Variants in SLC12A1 observed in about 807,000 individuals in gnomAD.
SLC12A1 encodes the protein solute carrier family 12 member 1, also known as Na-K-2Cl cotransporter.
A neutral mutation model predicts 130.4 loss-of-function variants in SLC12A1; 89 were observed. That is an observed-to-expected ratio of 0.68 (90% CI 0.58 to 0.81). The LOEUF (loss-of-function observed/expected upper bound fraction) is 0.81. SLC12A1 is among the 40% of genes least tolerant of loss of function. SLC12A1 has a pLI of 0.00. For synonymous variants in SLC12A1, 499 were observed against 460.0 expected (o/e 1.08, Z -1.09); for missense variants, 1,310 against 1,336.4 (o/e 0.98, Z 0.31).
At chr15:48,237,253 A>T in intron 9 of SLC12A1, 1 of 517,680 alleles carries the variant, frequency 1.9e-6, no homozygotes, top group Non-Finnish European at 3.4e-6. Flanking sequence ...GGATGTAAGA[A>T]GGCACCAAGA....
intron 19 of SLC12A1, among the ~76,000 whole-genome samples, chr15:48,270,687 A>T (rs945828534): frequency 5.3e-5 from 6 of 112,678 alleles, no homozygotes; most frequent in African/African-American, 2.3e-4. Flanking sequence ...TATATTATTT[A>T]TATATATACA....
At chr15:48,241,836 T>C (rs1361594175) in intron 10 of SLC12A1, among the ~76,000 whole-genome samples, 1 of 152,220 alleles carries the variant, frequency 6.6e-6, no homozygotes, top group African/African-American at 2.4e-5. Flanking sequence ...GTTGTCATTC[T>C]ACCTGAACAC....
intron 6 of SLC12A1, among the ~76,000 whole-genome samples, chr15:48,229,932 CTT>C (rs2041349709): frequency 2.0e-5 from 3 of 152,108 alleles, no homozygotes; most frequent in African/African-American, 7.2e-5. Flanking sequence ...AATAAATGAG[CTT>C]ACAGTTCACA....
At position 48,299,252 on chromosome 15, in the gene SLC12A1, G is replaced by GA; in HGVS notation, c.3075dup (p.Leu1026ThrfsTer16). 2 of 1,603,204 alleles carry GA rather than the reference G, an allele frequency of 1.2e-6. No individual in the cohort carries two copies. Among genetic ancestry groups the GA allele is most frequent in the Non-Finnish European group, 1.7e-6 (2 of 1,176,678 alleles). ...AACTCCGTGGAAAATTACAGATGCAGAACTGGAAGCAGTCAAGGAAAAGGT... is the reference window on the plus strand; with the variant it reads ...AACTCCGTGGAAAATTACAGATGCAGAAACTGGAAGCAGTCAAGGAAAAGGT... On this transcript the variant is annotated frameshift_variant, in exon 25 of 27. Transcript: ENST00000380993. LOFTEE classifies it high-confidence loss of function.
chr15:48,266,770 T>C (rs947898408), intron 17 of SLC12A1, among the ~76,000 whole-genome samples: 3 of 152,154 alleles, frequency 2.0e-5, no homozygotes, highest in Non-Finnish European at 4.4e-5. Flanking sequence ...AATTACATCA[T>C]GAGAAGAAAA....
intron 24 of SLC12A1, among the ~76,000 whole-genome samples, chr15:48,295,676 C>T (rs1200356415): frequency 2.0e-5 from 3 of 151,926 alleles, no homozygotes; most frequent in African/African-American, 4.8e-5. Flanking sequence ...TCTGTTGTTT[C>T]AAGGTATTAA....
chr15:48,229,226 C>G lies in SLC12A1; in HGVS notation c.762C>G (p.Pro254=). The change falls in exon 6 of 27, where the codon CCC becomes CCG. Residue 254 remains proline (P), a synonymous_variant. Coordinates refer to ENST00000380993, the MANE Select transcript of SLC12A1 (RefSeq NM_000338.3). ...ATCTTATTTCCAGAAGTTTAGGGCCCGAGTTCGGTGGGTCAATAGGCCTGA... is the reference window on the plus strand; with the variant it reads ...ATCTTATTTCCAGAAGTTTAGGGCCGGAGTTCGGTGGGTCAATAGGCCTGA... ...AYYLISRSLG[P]EFGGSIGLIF... is the part of the protein sequence containing the mutation. 6.3e-7 allele frequency: 1 copy of G among 1,591,844 alleles called. No homozygotes were observed. Among genetic ancestry groups the G allele is most frequent in the South Asian group, 1.1e-5 (1 of 87,492 alleles).
At position 48,303,619 on chromosome 15, in the gene SLC12A1, T is replaced by C. The variant is rs2042258029; in HGVS notation, c.*734T>C. ...ATATACTCCAATAAAATGAAATATA[T>C]TCTATTCTCAATATATAAACTTTAA... On this transcript the variant is annotated 3_prime_UTR_variant, in exon 27 of 27. Coordinates refer to ENST00000380993, the MANE Select transcript of SLC12A1 (RefSeq NM_000338.3). 1 of 152,206 alleles carries C rather than the reference T, an allele frequency of 6.6e-6. No homozygotes were observed. The highest frequency in any genetic ancestry group is 2.1e-4 in the South Asian group (1 of 4,830). 9.4% of individuals were successfully genotyped at this position (152,206 alleles called of 1,614,324 possible).
At position 48,303,115 on chromosome 15, in the gene SLC12A1, A is replaced by G. The variant is rs2042254035; in HGVS notation, c.*230A>G. The G allele has an allele frequency of 3.0e-6, 1 of 329,120 alleles. No individual in the cohort carries two copies. Among genetic ancestry groups the G allele is most frequent in the African/African-American group, 2.1e-5 (1 of 47,092 alleles). 20.4% of individuals were successfully genotyped at this position (329,120 alleles called of 1,614,324 possible). On this transcript the variant is annotated 3_prime_UTR_variant, in exon 27 of 27. Transcript: ENST00000380993. ...TTATCCCTAGAAAAACATTTTTGTC[A>G]CTGCTGTTGATAAACAAGAAAATCA...
intron 17 of SLC12A1, among the ~76,000 whole-genome samples, chr15:48,265,213 A>G (rs1254174794): frequency 2.0e-5 from 3 of 152,200 alleles, no homozygotes; most frequent in Non-Finnish European, 4.4e-5. Flanking sequence ...ATTCTGCATG[A>G]AACATTTTTA....
chr15:48,259,514 G>C (rs2041746323), intron 17 of SLC12A1, among the ~76,000 whole-genome samples: 1 of 152,206 alleles, frequency 6.6e-6, no homozygotes, highest in South Asian at 2.1e-4. Flanking sequence ...AAGCGTTTCA[G>C]ATTTCATAAG....
intron 17 of SLC12A1, among the ~76,000 whole-genome samples, chr15:48,259,576 A>G (rs2041747030): frequency 6.6e-6 from 1 of 152,214 alleles, no homozygotes; most frequent in Non-Finnish European, 1.5e-5. Context: ...TGAGTCAAGA[A>G]AAAGATAGCT....
intron 9 of SLC12A1, among the ~76,000 whole-genome samples, chr15:48,235,697 C>T (rs1483792077): frequency 6.6e-6 from 1 of 151,834 alleles, no homozygotes; most frequent in Admixed American, 6.6e-5. Context: ...TCTTGATATA[C>T]TCATAAATAA....
Position 48,208,070 on chromosome 15 carries a change from C to T in SLC12A1, c.351C>T (p.Asn117=). 1 of 1,613,464 alleles carries T rather than the reference C, an allele frequency of 6.2e-7. No homozygotes were observed. The highest frequency in any genetic ancestry group is 8.5e-7 in the Non-Finnish European group (1 of 1,179,586). ...DAVPKIEYYR[N]TGSISGPKVN... is the part of the protein sequence containing the mutation. Reference sequence around the variant, plus strand: ...TTCCCAAGATAGAGTACTATCGTAACACCGGCAGCATCAGTGGGCCCAAGG... The same window carrying T: ...TTCCCAAGATAGAGTACTATCGTAATACCGGCAGCATCAGTGGGCCCAAGG... Residue 117 remains asparagine (N), a synonymous_variant, in exon 2 of 27, where the codon AAC becomes AAT. Transcript: ENST00000380993.
At chr15:48,289,417 ATATATATATAT>A (rs2042094950) in intron 23 of SLC12A1, among the ~76,000 whole-genome samples, 1 of 134,928 alleles carries the variant, frequency 7.4e-6, no homozygotes, top group Non-Finnish European at 1.5e-5. Flanking sequence ...ATATATATAT[ATATATATATAT>A]AATGTATAAC....
At chr15:48,227,000 A>T in intron 5 of SLC12A1, 2 of 895,584 alleles carry the variant, frequency 2.2e-6, no homozygotes, top group Non-Finnish European at 3.5e-6. Flanking sequence ...CTGTGACAAG[A>T]TTCAGACTGC....
chr15:48,285,019 C>A (rs1566855908), intron 20 of SLC12A1, 87 bp from the exon 21 acceptor site: 2 of 992,006 alleles, frequency 2.0e-6, no homozygotes, highest in Non-Finnish European at 2.9e-6. Flanking sequence ...CACATACATA[C>A]CATTTTAAAT....
chr15:48,278,231 G>A (rs528366251), intron 20 of SLC12A1, among the ~76,000 whole-genome samples: 29 of 152,312 alleles, frequency 1.9e-4, no homozygotes, highest in Admixed American at 5.9e-4. Flanking sequence ...GCGAAAGAGC[G>A]AGACTCCGTC....
intron 21 of SLC12A1, among the ~76,000 whole-genome samples, chr15:48,285,647 G>A (rs1466723433): frequency 1.3e-5 from 2 of 152,298 alleles, no homozygotes; most frequent in African/African-American, 2.4e-5. Context: ...AATACGACTA[G>A]TACATGCAAA....
Sources: gnomAD v4.1 joint callset for allele counts (sites outside exome capture counted in the v4.1 genomes callset) on GRCh38, gnomAD v4.1.1 for gene constraint, MANE v1.5 for transcripts, NCBI Gene and HGNC (gene_info 2026-07-23, HGNC 2026-07-21) for gene names.